ZFP64: variants seen among roughly 807,000 people sequenced by gnomAD.
The protein encoded by ZFP64 is zinc finger protein 64.
Under a neutral mutation model 51.6 loss-of-function variants are expected in ZFP64, and 14 were observed. The observed-to-expected ratio is 0.27, with a 90% CI of 0.18 to 0.42. The LOEUF is 0.42. Ranked by LOEUF, ZFP64 falls within the 10% of genes least tolerant of loss-of-function variation. The probability of loss-of-function intolerance (pLI) is 1.00; values close to 1 mark genes in which losing one functional copy is unlikely to be tolerated. For synonymous variants in ZFP64, 375 were observed against 361.4 expected (o/e 1.04, Z -0.43); for missense variants, 754 against 906.8 (o/e 0.83, Z 2.16).
intron 4 of ZFP64, among the ~76,000 whole-genome samples, chr20:52,163,292 C>T (rs1398726132): frequency 6.6e-6 from 1 of 152,094 alleles, no homozygotes; most frequent in Non-Finnish European, 1.5e-5. Context: ...ACCTGGGAGG[C>T]AGAAGTTGCG....
At chr20:52,171,638 C>T (rs903616493) in intron 2 of ZFP64, among the ~76,000 whole-genome samples, 2 of 151,788 alleles carry the variant, frequency 1.3e-5, no homozygotes, top group East Asian at 1.9e-4. Flanking sequence ...TACAGGCACA[C>T]ACCACCACAC....
At chr20:52,149,922 A>G (rs1177741345), downstream of ZFP64, among the ~76,000 whole-genome samples, 2 of 152,134 alleles carry the variant, frequency 1.3e-5, no homozygotes, top group African/African-American at 4.8e-5. Context: ...AAAAAGATTG[A>G]TAGGGGCCAG....
intron 2 of ZFP64, among the ~76,000 whole-genome samples, chr20:52,185,903 CTTT>C (rs1266440695): frequency 2.0e-5 from 3 of 152,104 alleles, no homozygotes; most frequent in Non-Finnish European, 2.9e-5. Context: ...TTTTTATCTC[CTTT>C]TACTGGTTTT....
intron 5 of ZFP64, among the ~76,000 whole-genome samples, chr20:52,145,128 A>T (rs1227117506): frequency 6.6e-6 from 1 of 152,212 alleles, no homozygotes; most frequent in Admixed American, 6.5e-5. Context: ...TTAGAGTTGC[A>T]TAAGAAACAA....
At chr20:52,095,369 G>T (rs2078977380) in intron 7 of ZFP64, among the ~76,000 whole-genome samples, 1 of 152,188 alleles carries the variant, frequency 6.6e-6, no homozygotes, top group South Asian at 2.1e-4. Flanking sequence ...ACAACGCAAA[G>T]CAACAGCCTG....
intron 5 of ZFP64, among the ~76,000 whole-genome samples, chr20:52,145,114 A>AT (rs1463258451): frequency 6.6e-6 from 1 of 152,206 alleles, no homozygotes; most frequent in Non-Finnish European, 1.5e-5. Flanking sequence ...GCTCCAATTT[A>AT]TTTTTAGAGT....
chr20:52,124,808 T>A (rs1600729388), intron 5 of ZFP64, among the ~76,000 whole-genome samples: 3 of 152,004 alleles, frequency 2.0e-5, no homozygotes, highest in Admixed American at 6.6e-5. Flanking sequence ...TTTTCCATGT[T>A]GCCCAGGCTG....
chr20:52,155,751 C>T (rs907726568), intron 5 of ZFP64, among the ~76,000 whole-genome samples: 2 of 151,986 alleles, frequency 1.3e-5, no homozygotes, highest in African/African-American at 4.8e-5. Context: ...TTCATTCTTG[C>T]CTACTACCTG....
intron 5 of ZFP64, among the ~76,000 whole-genome samples, chr20:52,130,050 A>G (rs1234396031): frequency 6.6e-6 from 1 of 151,934 alleles, no homozygotes; most frequent in Non-Finnish European, 1.5e-5. Context: ...CGAGATCCAC[A>G]TGGCTCCCTC....
rs373208828 is a variant in ZFP64, at chr20:52,152,565, G to A, written c.1627C>T (p.Leu543=). ...GGGGCGATCAGACTGACCTGGCGCAGGATCTGCAGCCGGCTGTTCCCTGGG... is the reference window on the plus strand; with the variant it reads ...GGGGCGATCAGACTGACCTGGCGCAAGATCTGCAGCCGGCTGTTCCCTGGG... ...ELPGNSRLQI[L]RQVSLIAPPQ... The change falls in exon 6 of 6, where the codon CTG becomes TTG. Residue 543 remains leucine, a synonymous_variant. Transcript: ENST00000216923. 1.3e-6 allele frequency: 2 copies of A among 1,567,282 alleles called. No individual in the cohort carries two copies. Among genetic ancestry groups the A allele is most frequent in the Non-Finnish European group, 1.7e-6 (2 of 1,158,932 alleles).
chr20:52,126,556 T>G (rs765695029), intron 5 of ZFP64, among the ~76,000 whole-genome samples: 21 of 152,192 alleles, frequency 1.4e-4, no homozygotes, highest in Non-Finnish European at 2.6e-4. Context: ...AAGATGACTG[T>G]TGGTTGGGTA....
intron 2 of ZFP64, among the ~76,000 whole-genome samples, chr20:52,180,243 C>T (rs952480827): frequency 6.6e-6 from 1 of 152,220 alleles, no homozygotes; most frequent in African/African-American, 2.4e-5. Context: ...TGCTAGTTGG[C>T]CACAGGCCCT....
intron 5 of ZFP64, among the ~76,000 whole-genome samples, chr20:52,140,616 G>C (rs866820810): frequency 1.4e-4 from 22 of 152,164 alleles, no homozygotes; most frequent in African/African-American, 5.3e-4. Flanking sequence ...GCTAGCAGAA[G>C]TTGGTTCAGG....
chr20:52,150,513 C>T (rs1308797564), downstream of ZFP64, among the ~76,000 whole-genome samples: 8 of 151,858 alleles, frequency 5.3e-5, no homozygotes, highest in East Asian at 1.5e-3. Flanking sequence ...ATTTAAATCA[C>T]TAACATTGTA....
chr20:52,169,828 C>A (rs1276735705), intron 2 of ZFP64, among the ~76,000 whole-genome samples: 1 of 152,104 alleles, frequency 6.6e-6, no homozygotes, highest in Non-Finnish European at 1.5e-5. Context: ...CCGAGGCAGG[C>A]GGATCACCCG....
chr20:52,088,900 GA>G (rs1211590905), intron 7 of ZFP64: 6 of 639,186 alleles, frequency 9.4e-6, no homozygotes, highest in African/African-American at 3.6e-5. Flanking sequence ...CCCTGTTTGG[GA>G]AAAATGGCAG....
At chr20:52,115,047 C>A (rs7272490) in intron 5 of ZFP64, among the ~76,000 whole-genome samples, 25,092 of 148,484 alleles carry the variant, frequency 0.17, 2,233 homozygotes, top group Non-Finnish European at 0.21. Flanking sequence ...AATACAAAAA[C>A]AAAAAAAATT....
At chr20:52,172,186 GGT>G (rs375662082) in intron 2 of ZFP64, among the ~76,000 whole-genome samples, 39 of 150,948 alleles carry the variant, frequency 2.6e-4, no homozygotes, top group Admixed American at 1.3e-3. Context: ...CATTGCCAGG[GGT>G]GTGTGTGTGT....
intron 8 of ZFP64, among the ~76,000 whole-genome samples, chr20:52,086,248 G>A (rs539133430): frequency 5.5e-4 from 84 of 152,066 alleles, no homozygotes; most frequent in Non-Finnish European, 7.5e-4. Flanking sequence ...GATATTCATC[G>A]GAGCCAAACA....
Sources: gnomAD v4.1 joint callset for allele counts (sites outside exome capture counted in the v4.1 genomes callset) on GRCh38, gnomAD v4.1.1 for gene constraint, MANE v1.5 for transcripts, NCBI Gene and HGNC (gene_info 2026-07-23, HGNC 2026-07-21) for gene names.